The following GALNT13 variants were observed in gnomAD, a reference collection of about 807,000 sequenced individuals.
GALNT13 encodes the protein UDP-GalNAc:polypeptide N-acetylgalactosaminyltransferase 13.
Under a neutral mutation model 64.2 loss-of-function variants are expected in GALNT13, and 28 were observed. The ratio of observed to expected loss-of-function variants is 0.44; its 90% CI spans 0.32 to 0.60. The LOEUF (loss-of-function observed/expected upper bound fraction) is 0.60, where lower values mean the gene tolerates loss of function less well. Ranked by LOEUF, GALNT13 falls within the 20% of genes least tolerant of loss-of-function variation. The probability of loss-of-function intolerance (pLI) is 0.05; values close to 1 mark genes in which losing one functional copy is unlikely to be tolerated. For synonymous variants in GALNT13, 214 were observed against 224.6 expected (o/e 0.95, Z 0.42); for missense variants, 577 against 669.8 (o/e 0.86, Z 1.53).
At chr2:154,322,805 C>G (rs577098613) in intron 9 of GALNT13, among the ~76,000 whole-genome samples, 10 of 152,144 alleles carry the variant, frequency 6.6e-5, no homozygotes, top group African/African-American at 2.4e-4. Flanking sequence ...TGATTTCTCT[C>G]CCGAAGCCAT....
At chr2:153,791,768 C>A in the GALNT13 span, among the ~76,000 whole-genome samples, 1 of 152,090 alleles carries the variant, frequency 6.6e-6, no homozygotes, top group Admixed American at 6.6e-5. Context: ...ATTATATCTT[C>A]TGCAGGAACA....
the GALNT13 span, among the ~76,000 whole-genome samples, chr2:153,619,695 A>C: frequency 7.9e-5 from 12 of 152,090 alleles, no homozygotes; most frequent in Non-Finnish European, 5.9e-5. Flanking sequence ...TCATGTTTGA[A>C]AGATATTTTC....
At chr2:153,315,392 T>C in the GALNT13 span, among the ~76,000 whole-genome samples, 3 of 152,202 alleles carry the variant, frequency 2.0e-5, no homozygotes, top group Admixed American at 6.5e-5. Context: ...TTTATAAAGA[T>C]ACTAATCACC....
intron 9 of GALNT13, among the ~76,000 whole-genome samples, chr2:154,317,508 T>G (rs1694388080): frequency 1.3e-5 from 2 of 152,180 alleles, no homozygotes. Context: ...AACTCTAAAA[T>G]TCTACCATCA....
chr2:153,257,314 T>C, the GALNT13 span, among the ~76,000 whole-genome samples: 6 of 152,070 alleles, frequency 3.9e-5, no homozygotes, highest in South Asian at 2.1e-4. Context: ...CTTCGGCTCG[T>C]GCACGGTGCG....
chr2:153,882,259 C>T (rs1330986359), intron 1 of GALNT13, among the ~76,000 whole-genome samples: 2 of 151,756 alleles, frequency 1.3e-5, no homozygotes, highest in Non-Finnish European at 2.9e-5. Context: ...CCCCCAAAGG[C>T]CTGAGGCTCA....
chr2:153,642,673 C>T, the GALNT13 span, among the ~76,000 whole-genome samples: 9 of 151,926 alleles, frequency 5.9e-5, no homozygotes, highest in African/African-American at 2.2e-4. Flanking sequence ...TAGCAGTTTG[C>T]AATTTATTGA....
the GALNT13 span, among the ~76,000 whole-genome samples, chr2:153,424,245 G>A: frequency 1.3e-5 from 2 of 151,036 alleles, no homozygotes; most frequent in South Asian, 4.2e-4. Flanking sequence ...TGCATTAGAG[G>A]CATGAAATGA....
chr2:153,122,731 A>G, the GALNT13 span, among the ~76,000 whole-genome samples: 284 of 152,234 alleles, frequency 1.9e-3, no homozygotes, highest in Admixed American at 3.6e-3. Context: ...AAGACTTGTA[A>G]ATATCAGTTT....
intron 4 of GALNT13, among the ~76,000 whole-genome samples, chr2:154,219,634 C>T: frequency 6.6e-6 from 1 of 152,086 alleles, no homozygotes; most frequent in East Asian, 1.9e-4. Flanking sequence ...GAAGTAATAA[C>T]TTACCAACCC....
intron 4 of GALNT13, among the ~76,000 whole-genome samples, chr2:154,153,655 C>G (rs13033937): frequency 0.2 from 30,531 of 152,238 alleles, 4,007 homozygotes; most frequent in Middle Eastern, 0.32. Flanking sequence ...CTCTCCCAGC[C>G]TGGCTGCCAC....
the GALNT13 span, among the ~76,000 whole-genome samples, chr2:153,235,844 C>G: frequency 6.6e-6 from 1 of 152,146 alleles, no homozygotes. Flanking sequence ...ACATATCTCA[C>G]TTAAATCACA....
intron 2 of GALNT13, among the ~76,000 whole-genome samples, chr2:153,915,904 T>A (rs1044803642): frequency 1.3e-5 from 2 of 152,184 alleles, no homozygotes; most frequent in African/African-American, 4.8e-5. Flanking sequence ...TACCTACCCA[T>A]CATTACTCTT....
intron 9 of GALNT13, among the ~76,000 whole-genome samples, chr2:154,379,113 G>A (rs1223454308): frequency 6.6e-6 from 1 of 151,916 alleles, no homozygotes; most frequent in Non-Finnish European, 1.5e-5. Context: ...CCCTTTTAAA[G>A]CAGAAAACAA....
intron 3 of GALNT13, among the ~76,000 whole-genome samples, chr2:153,982,568 T>A (rs1694534979): frequency 6.6e-6 from 1 of 152,064 alleles, no homozygotes; most frequent in African/African-American, 2.4e-5. Context: ...GCATAGCATC[T>A]GTCAGTGTAG....
chr2:153,770,653 A>T, the GALNT13 span, among the ~76,000 whole-genome samples: 3 of 152,246 alleles, frequency 2.0e-5, no homozygotes, highest in African/African-American at 7.2e-5. Flanking sequence ...ATACCCATCT[A>T]CATCATCAGT....
chr2:154,045,496 C>A (rs188049587), intron 3 of GALNT13, among the ~76,000 whole-genome samples: 1 of 152,180 alleles, frequency 6.6e-6, no homozygotes, highest in Non-Finnish European at 1.5e-5. Flanking sequence ...AAAGAAGATA[C>A]TCCTTTGTGA....
intron 12 of GALNT13, chr2:154,446,395 G>A: frequency 4.2e-6 from 2 of 481,102 alleles, no homozygotes; most frequent in Non-Finnish European, 7.1e-6. Flanking sequence ...TCCTTATAGG[G>A]TTGATATTAA....
the GALNT13 span, among the ~76,000 whole-genome samples, chr2:153,509,537 A>C: frequency 2.4e-4 from 37 of 152,376 alleles, no homozygotes; most frequent in African/African-American, 8.7e-4. Context: ...CCCTAGATGA[A>C]ATGTTTAAAG....
Sources: gnomAD v4.1 joint callset for allele counts (sites outside exome capture counted in the v4.1 genomes callset) on GRCh38, gnomAD v4.1.1 for gene constraint, MANE v1.5 for transcripts, NCBI Gene and HGNC (gene_info 2026-07-23, HGNC 2026-07-21) for gene names.